Variants in TXNL4A observed in about 807,000 individuals in gnomAD.
The protein encoded by TXNL4A is thioredoxin like 4A.
In TXNL4A, 17 loss-of-function variants were observed where a neutral mutation model predicts 14.6. That is an observed-to-expected ratio of 1.16 (90% CI 0.80 to 1.74). TXNL4A has a LOEUF of 1.74. TXNL4A is among the 40% of genes most tolerant of loss of function. TXNL4A has a pLI of 0.00. For synonymous variants in TXNL4A, 83 were observed against 70.6 expected (o/e 1.18, Z -0.88); for missense variants, 74 against 195.2 (o/e 0.38, Z 3.70).
chr18:80,002,478 T>C (rs1429601669), intron 1 of TXNL4A, among the ~76,000 whole-genome samples: 1 of 151,948 alleles, frequency 6.6e-6, no homozygotes, highest in Admixed American at 6.6e-5. Context: ...GCTTATAGAG[T>C]CCAAACTCAT....
At chr18:80,023,516 C>T (rs1244736877) in intron 1 of TXNL4A, among the ~76,000 whole-genome samples, 8 of 152,046 alleles carry the variant, frequency 5.3e-5, no homozygotes, top group Non-Finnish European at 1.2e-4. Flanking sequence ...ATGCCCCCCA[C>T]CCCCATGCAA....
intron 1 of TXNL4A, among the ~76,000 whole-genome samples, chr18:80,003,926 A>G (rs536672331): frequency 6.6e-6 from 1 of 152,246 alleles, no homozygotes; most frequent in East Asian, 1.9e-4. Flanking sequence ...CAGCACGGGG[A>G]AAACCACCCC....
intron 1 of TXNL4A, among the ~76,000 whole-genome samples, chr18:80,018,475 T>C (rs1175960828): frequency 4.0e-5 from 6 of 151,612 alleles, no homozygotes; most frequent in African/African-American, 1.5e-4. Context: ...AGGCAAGAAA[T>C]AACTAAAATC....
In TXNL4A at chr18:80,020,882, T is replaced by C. The variant is rs1484943670; in HGVS notation, c.-61+12969A>G. The stretch of plus-strand genomic sequence containing the variant: ...TTAATTATCTTCTCACCTAATGTTT[T>C]GGTTCTTTCTGACAAGACTAGACCA... On this transcript the variant is annotated intron_variant, in intron 1 of 2. Transcript: ENST00000585474. 2.0e-5 allele frequency among the ~76,000 whole-genome samples: 3 copies of C among 152,350 alleles called. No individual in the cohort carries two copies. The East Asian group carries it at 5.8e-4, about 29-fold the overall frequency.
intron 1 of TXNL4A, among the ~76,000 whole-genome samples, chr18:79,980,414 G>A (rs1306782079): frequency 1.3e-5 from 2 of 152,138 alleles, no homozygotes; most frequent in African/African-American, 4.8e-5. Flanking sequence ...GTAACTTACA[G>A]GTGAAATAAT....
chr18:80,009,467 T>A (rs1355597621), intron 1 of TXNL4A, among the ~76,000 whole-genome samples: 1 of 152,136 alleles, frequency 6.6e-6, no homozygotes, highest in Non-Finnish European at 1.5e-5. Context: ...TCCTCTCAAG[T>A]TTGTCAGGAC....
chr18:79,986,599 T>C (rs553856548), intron 1 of TXNL4A: 2 of 985,418 alleles, frequency 2.0e-6, no homozygotes, highest in African/African-American at 3.5e-5. Context: ...CCTAAACACT[T>C]ACATTAACAC....
At chr18:79,979,517 C>A (rs2051431278) in intron 1 of TXNL4A, 1 of 152,418 alleles carries the variant, frequency 6.6e-6, no homozygotes, top group Admixed American at 6.5e-5. Flanking sequence ...AAGTGTGTGA[C>A]ACTCCGCCCC....
chr18:80,031,974 T>G (rs1182377723), intron 1 of TXNL4A, among the ~76,000 whole-genome samples: 1 of 152,208 alleles, frequency 6.6e-6, no homozygotes, highest in Non-Finnish European at 1.5e-5. Flanking sequence ...GTGGTATATG[T>G]TTGCAAATAA....
At chr18:80,032,666 A>G (rs940226541) in intron 1 of TXNL4A, among the ~76,000 whole-genome samples, 1 of 152,040 alleles carries the variant, frequency 6.6e-6, no homozygotes, top group African/African-American at 2.4e-5. Context: ...ATGGGGAAAC[A>G]CCGTCTCTAT....
intron 1 of TXNL4A, among the ~76,000 whole-genome samples, chr18:80,018,092 G>A (rs952790347): frequency 6.6e-6 from 1 of 152,030 alleles, no homozygotes; most frequent in Admixed American, 6.6e-5. Context: ...TTAGTCTTGG[G>A]AGAGTGTATG....
intron 1 of TXNL4A, among the ~76,000 whole-genome samples, chr18:80,007,566 T>C (rs12454588): frequency 0.78 from 119,114 of 151,740 alleles, 47,472 homozygotes; most frequent in East Asian, 0.91. Context: ...GGCCTGGCGC[T>C]GGGCTGCCTG....
At chr18:80,025,347 C>T (rs2051877484) in intron 1 of TXNL4A, among the ~76,000 whole-genome samples, 1 of 152,224 alleles carries the variant, frequency 6.6e-6, no homozygotes, top group Admixed American at 6.5e-5. Flanking sequence ...ACTCCACCTA[C>T]ACTCCCACTG....
At chr18:80,010,229 G>A (rs1197032592) in intron 1 of TXNL4A, among the ~76,000 whole-genome samples, 1 of 152,166 alleles carries the variant, frequency 6.6e-6, no homozygotes, top group Non-Finnish European at 1.5e-5. Flanking sequence ...AGCAGAGAGG[G>A]GGTCCTGAAT....
chr18:79,994,591 C>G (rs1279208741), intron 1 of TXNL4A, among the ~76,000 whole-genome samples: 1 of 148,068 alleles, frequency 6.8e-6, no homozygotes, highest in African/African-American at 2.5e-5. Context: ...ACAAACAACT[C>G]AGAACTGCCA....
At chr18:79,988,157 G>A in intron 1 of TXNL4A, 83 bp downstream of exon 1, 1 of 1,320,250 alleles carries the variant, frequency 7.6e-7, no homozygotes, top group Non-Finnish European at 9.8e-7. Context: ...AACAGCTCGC[G>A]CCCCCAGGCG....
rs2051485006 is a variant in TXNL4A, at chr18:79,982,847, G to A, written c.154-5146C>T. ...GTGAAATGGCATCTGTGGGGTGACT[G>A]GAGGAGCATGAGCTGAGGGCAAACA... On this transcript the variant is annotated intron_variant, in intron 1 of 2. Coordinates refer to ENST00000269601, the MANE Select transcript of TXNL4A (RefSeq NM_006701.5). The surrounding 1 kb of genome is among the most constrained non-coding windows in gnomAD (Gnocchi z 4.0). 6.6e-6 allele frequency among the ~76,000 whole-genome samples: 1 copy of A among 152,140 alleles called. No individual in the cohort carries two copies. Among genetic ancestry groups the A allele is most frequent in the Admixed American group, 6.5e-5 (1 of 15,278 alleles).
At chr18:80,013,601 A>AT (rs907692563) in intron 1 of TXNL4A, among the ~76,000 whole-genome samples, 1 of 151,958 alleles carries the variant, frequency 6.6e-6, no homozygotes. Flanking sequence ...CGCCCGGCTA[A>AT]TTTTTTATTT....
chr18:79,994,745 T>C (rs1337179230), intron 1 of TXNL4A, among the ~76,000 whole-genome samples: 2 of 152,292 alleles, frequency 1.3e-5, no homozygotes, highest in African/African-American at 4.8e-5. Context: ...AAAGAAATCC[T>C]CCAAATCCCT....
Sources: allele counts gnomAD v4.1 joint callset (sites outside exome capture counted in the v4.1 genomes callset), GRCh38; gene constraint gnomAD v4.1.1; non-coding constraint Gnocchi (gnomAD v3.1); transcripts MANE v1.5; gene names NCBI Gene and HGNC (gene_info 2026-07-23, HGNC 2026-07-21).